The following DOCK4 variants were observed in gnomAD, a reference collection of about 807,000 sequenced individuals.
DOCK4 encodes the protein dedicator of cytokinesis 4.
A neutral mutation model predicts 268.1 loss-of-function variants in DOCK4; 97 were observed. The ratio of observed to expected loss-of-function variants is 0.36; its 90% CI spans 0.31 to 0.43. The LOEUF (loss-of-function observed/expected upper bound fraction) is 0.43. DOCK4 is among the 20% of genes least tolerant of loss of function. The probability of loss-of-function intolerance (pLI) is 1.00; values close to 1 mark genes in which losing one functional copy is unlikely to be tolerated. For synonymous variants in DOCK4, 954 were observed against 887.2 expected (o/e 1.08, Z -1.34); for missense variants, 2,145 against 2,455.7 (o/e 0.87, Z 2.67).
At chr7:111,867,130 T>C (rs1806039608) in intron 22 of DOCK4, among the ~76,000 whole-genome samples, 1 of 152,122 alleles carries the variant, frequency 6.6e-6, no homozygotes, top group African/African-American at 2.4e-5. Flanking sequence ...TCAGAAAAAA[T>C]ACAGCACATT....
intron 4 of DOCK4, among the ~76,000 whole-genome samples, chr7:111,996,305 C>A (rs533622453): frequency 2.6e-5 from 4 of 152,266 alleles, no homozygotes; most frequent in Admixed American, 2.6e-4. Flanking sequence ...CATAAAATTG[C>A]CATTTTAGGC....
chr7:111,811,603 T>C (rs2074114), intron 28 of DOCK4, among the ~76,000 whole-genome samples: 61,943 of 151,974 alleles, frequency 0.41, 18,192 homozygotes, highest in African/African-American at 0.82. Flanking sequence ...ACACTATGTT[T>C]TGAGTCTCCT....
rs1798022339 is a variant in DOCK4, at chr7:111,770,013, G to C, written c.3680-336C>G. Among the ~76,000 whole-genome samples the C allele has an allele frequency of 3.9e-5, 6 of 152,014 alleles. No individual in the cohort carries two copies. The South Asian group carries it at 1.2e-3, about 32-fold the overall frequency. On this transcript the variant is annotated intron_variant, in intron 36 of 52. Transcript: ENST00000428084. ...CATGCTGTTGCTGGTTCAAAGATGTGGGGAGACAGGCCTTTGTTTGCTGAG... is the reference window on the plus strand; with the variant it reads ...CATGCTGTTGCTGGTTCAAAGATGTCGGGAGACAGGCCTTTGTTTGCTGAG...
At chr7:112,175,525 CCTAA>C (rs79375104) in intron 1 of DOCK4, among the ~76,000 whole-genome samples, 14,283 of 151,980 alleles carry the variant, frequency 0.094, 1,467 homozygotes, top group African/African-American at 0.26. Context: ...AATATATAAG[CCTAA>C]CTTACTAGAA....
chr7:112,195,600 G>A (rs1820349247), intron 1 of DOCK4, among the ~76,000 whole-genome samples: 1 of 151,980 alleles, frequency 6.6e-6, no homozygotes, highest in African/African-American at 2.4e-5. Flanking sequence ...CAGGATCTCG[G>A]TTGGGGCTAT....
intron 26 of DOCK4, among the ~76,000 whole-genome samples, chr7:111,825,569 T>C (rs1390041485): frequency 1.3e-5 from 2 of 152,216 alleles, no homozygotes; most frequent in African/African-American, 2.4e-5. Flanking sequence ...TATTCCTGCT[T>C]GGACAGCACA....
chr7:111,768,984 C>T (rs933925118), intron 37 of DOCK4, among the ~76,000 whole-genome samples: 10 of 152,134 alleles, frequency 6.6e-5, no homozygotes, highest in African/African-American at 2.4e-4. Context: ...GGCATTAGTG[C>T]CCTTATAAAA....
intron 28 of DOCK4, among the ~76,000 whole-genome samples, chr7:111,811,567 T>C (rs1049823729): frequency 1.3e-5 from 2 of 152,148 alleles, no homozygotes; most frequent in Admixed American, 6.5e-5. Context: ...TTTCTTCATA[T>C]AAACTCCATT....
At chr7:111,924,217 T>C (rs1048165078) in intron 12 of DOCK4, among the ~76,000 whole-genome samples, 5 of 152,254 alleles carry the variant, frequency 3.3e-5, no homozygotes, top group African/African-American at 1.2e-4. Flanking sequence ...CTCTGCCTCA[T>C]TGATTGCTAA....
intron 3 of DOCK4, among the ~76,000 whole-genome samples, chr7:111,999,629 C>T (rs949354189): frequency 6.6e-5 from 10 of 151,922 alleles, no homozygotes; most frequent in Admixed American, 2.6e-4. Flanking sequence ...TGTCCCTTAC[C>T]GTTCCCCTTT....
chr7:112,105,397 T>A (rs1811049647), intron 1 of DOCK4, among the ~76,000 whole-genome samples: 1 of 152,194 alleles, frequency 6.6e-6, no homozygotes, highest in African/African-American at 2.4e-5. Context: ...GAGACCCCTC[T>A]GTGCTGTTTG....
At chr7:111,753,669 A>G (rs1275845921) in intron 42 of DOCK4, among the ~76,000 whole-genome samples, 2 of 152,206 alleles carry the variant, frequency 1.3e-5, no homozygotes, top group African/African-American at 4.8e-5. Context: ...TTTCAATTCA[A>G]CGTGATGTAT....
Position 111,746,435 on chromosome 7 carries a change from A to T in DOCK4, c.4594-18T>A. On this transcript the variant is annotated intron_variant, in intron 43 of 52. Coordinates refer to ENST00000428084, the MANE Select transcript of DOCK4 (RefSeq NM_001363540.2). ...AAGAATGCCTAGTAAGGGAAAGGAG[A>T]ATCAGTCTACTTTAGTGGAGTACAA... 6.4e-7 allele frequency: 1 copy of T among 1,571,248 alleles called. No individual in the cohort carries two copies. The highest frequency in any genetic ancestry group is 1.8e-5 in the Admixed American group (1 of 56,608).
chr7:111,815,179 G>A (rs1472251324), intron 27 of DOCK4, among the ~76,000 whole-genome samples: 1 of 152,138 alleles, frequency 6.6e-6, no homozygotes, highest in Non-Finnish European at 1.5e-5. Flanking sequence ...TTTAGTGCTT[G>A]ATAGGATGAG....
At chr7:111,890,444 G>T (rs1333894503) in intron 16 of DOCK4, among the ~76,000 whole-genome samples, 1 of 152,144 alleles carries the variant, frequency 6.6e-6, no homozygotes, top group African/African-American at 2.4e-5. Context: ...TATCACTGAT[G>T]TTCTGGGGGC....
At chr7:111,860,733 C>CG in intron 23 of DOCK4, among the ~76,000 whole-genome samples, 1 of 152,176 alleles carries the variant, frequency 6.6e-6, no homozygotes, top group Non-Finnish European at 1.5e-5. Context: ...CCTTCCATCC[C>CG]TTACCATAGT....
intron 1 of DOCK4, among the ~76,000 whole-genome samples, chr7:112,128,086 T>C (rs1437449479): frequency 6.6e-6 from 1 of 152,192 alleles, no homozygotes; most frequent in Non-Finnish European, 1.5e-5. Flanking sequence ...CAACATTCAG[T>C]TAGACAAACA....
chr7:111,809,195 C>A (rs1341820303), intron 29 of DOCK4, 106 bp downstream of exon 29: 2 of 946,410 alleles, frequency 2.1e-6, no homozygotes, highest in Non-Finnish European at 3.2e-6. Context: ...GTCACTGGTT[C>A]TTCACTGTGT....
intron 42 of DOCK4, 22 bp downstream of exon 42, chr7:111,755,493 G>A (rs1288773558): frequency 1.2e-6 from 2 of 1,611,694 alleles, no homozygotes; most frequent in Non-Finnish European, 1.7e-6. Context: ...GAAAGTGCTT[G>A]AGAACAAGCT....
Sources: allele counts gnomAD v4.1 joint callset (sites outside exome capture counted in the v4.1 genomes callset), GRCh38; gene constraint gnomAD v4.1.1; transcripts MANE v1.5; gene names NCBI Gene and HGNC (gene_info 2026-07-23, HGNC 2026-07-21).